SAMD3: variants seen among roughly 807,000 people sequenced by gnomAD.
SAMD3 encodes the protein sterile alpha motif domain-containing protein 3.
A neutral mutation model predicts 58.5 loss-of-function variants in SAMD3; 63 were observed. That is an observed-to-expected ratio of 1.08 (90% confidence interval 0.88 to 1.33). The LOEUF is 1.33. SAMD3 is among the 40% of genes most tolerant of loss of function. The pLI, the probability that SAMD3 is intolerant of heterozygous loss-of-function variation, is 0.00. For synonymous variants in SAMD3, 220 were observed against 210.3 expected (o/e 1.05, Z -0.40); for missense variants, 604 against 608.4 (o/e 0.99, Z 0.08).
At chr6:130,255,855 CTT>C (rs34419547) in intron 2 of SAMD3, among the ~76,000 whole-genome samples, 3 of 141,988 alleles carry the variant, frequency 2.1e-5, no homozygotes, top group African/African-American at 2.6e-5. Flanking sequence ...TGGGTCTTGT[CTT>C]TTTTTTTTTT....
At chr6:130,322,346 G>A (rs1286012689) in intron 1 of SAMD3, among the ~76,000 whole-genome samples, 1 of 152,196 alleles carries the variant, frequency 6.6e-6, no homozygotes, top group Non-Finnish European at 1.5e-5. Flanking sequence ...GGAGTGGAAG[G>A]CTGGGAATCA....
chr6:130,212,322 T>C (rs1582944665), intron 4 of SAMD3, among the ~76,000 whole-genome samples: 2 of 152,190 alleles, frequency 1.3e-5, no homozygotes, highest in South Asian at 4.1e-4. Flanking sequence ...ACCAGAATAA[T>C]TTAATCTAAA....
chr6:130,231,150 A>T (rs879856489), intron 2 of SAMD3, among the ~76,000 whole-genome samples: 8 of 152,216 alleles, frequency 5.3e-5, no homozygotes, highest in African/African-American at 1.4e-4. Flanking sequence ...TTTAAATCTT[A>T]TATATTTTAA....
At chr6:130,318,411 T>C (rs1776463961) in intron 1 of SAMD3, among the ~76,000 whole-genome samples, 1 of 152,128 alleles carries the variant, frequency 6.6e-6, no homozygotes, top group Non-Finnish European at 1.5e-5. Flanking sequence ...ATGTTTGACA[T>C]CTAATAAAAA....
chr6:130,213,786 A>C (rs1177330433), intron 4 of SAMD3, among the ~76,000 whole-genome samples: 3 of 152,188 alleles, frequency 2.0e-5, no homozygotes, highest in African/African-American at 7.2e-5. Flanking sequence ...TTTCTACATA[A>C]TTTTTTGGGG....
intron 8 of SAMD3, among the ~76,000 whole-genome samples, chr6:130,170,357 T>A (rs1791133932): frequency 2.0e-5 from 3 of 152,232 alleles, no homozygotes; most frequent in Non-Finnish European, 2.9e-5. Flanking sequence ...TTCATCCATG[T>A]CCCTGTAAAG....
chr6:130,266,243 A>G (rs927651541), intron 2 of SAMD3, among the ~76,000 whole-genome samples: 8 of 152,180 alleles, frequency 5.3e-5, no homozygotes, highest in Non-Finnish European at 1.2e-4. Flanking sequence ...ATTCCAGGAA[A>G]AACAAGAAAT....
intron 7 of SAMD3, chr6:130,183,032 AGTG>A (rs1336118272): frequency 1.9e-5 from 5 of 258,634 alleles, no homozygotes; most frequent in African/African-American, 9.1e-5. Flanking sequence ...ACAGTTCAAT[AGTG>A]TTGATTATAT....
chr6:130,173,194 T>C (rs1791406138), intron 8 of SAMD3, among the ~76,000 whole-genome samples: 1 of 152,196 alleles, frequency 6.6e-6, no homozygotes, highest in African/African-American at 2.4e-5. Flanking sequence ...GAAGCCGTCA[T>C]CAATCTCATT....
At chr6:130,252,953 A>T (rs61467399) in intron 2 of SAMD3, among the ~76,000 whole-genome samples, 33,028 of 152,122 alleles carry the variant, frequency 0.22, 3,830 homozygotes, top group East Asian at 0.36. Context: ...TAATTTCCAT[A>T]CTTACAGAAA....
intron 1 of SAMD3, among the ~76,000 whole-genome samples, chr6:130,332,391 C>T (rs369511235): frequency 2.6e-5 from 4 of 152,078 alleles, no homozygotes; most frequent in African/African-American, 9.6e-5. Context: ...GAGTTTGGAG[C>T]AAAAGGGAGG....
At chr6:130,189,673 C>A (rs150570386) in intron 5 of SAMD3, among the ~76,000 whole-genome samples, 1 of 152,156 alleles carries the variant, frequency 6.6e-6, no homozygotes, top group Non-Finnish European at 1.5e-5. Context: ...TCCAAGTATT[C>A]GCCACTCAAA....
intron 2 of SAMD3, among the ~76,000 whole-genome samples, chr6:130,269,393 TG>T (rs1774477371): frequency 6.6e-6 from 1 of 152,196 alleles, no homozygotes; most frequent in African/African-American, 2.4e-5. Flanking sequence ...ATTTCTTTCA[TG>T]GTTATGGGAC....
At chr6:130,357,325 C>T (rs746981029) in intron 1 of SAMD3, among the ~76,000 whole-genome samples, 10 of 151,962 alleles carry the variant, frequency 6.6e-5, no homozygotes, top group South Asian at 2.1e-4. Context: ...GGGGTTTCAC[C>T]GTGTTAGCCA....
chr6:130,365,371 C>T (rs947291570), exon 1 of SAMD3: 2 of 985,578 alleles, frequency 2.0e-6, no homozygotes, highest in Non-Finnish European at 1.2e-6. Flanking sequence ...TTCTCCGGAA[C>T]CCCTTGCCGG....
At chr6:130,279,465 T>A (rs1774905195) in intron 2 of SAMD3, among the ~76,000 whole-genome samples, 1 of 151,302 alleles carries the variant, frequency 6.6e-6, no homozygotes, top group African/African-American at 2.4e-5. Context: ...CCCAGCCATA[T>A]GGAACTGTGA....
chr6:130,176,100 A>G (rs1791700888), intron 7 of SAMD3, 92 bp from the exon 8 acceptor site: 1 of 968,152 alleles, frequency 1.0e-6, no homozygotes, highest in Non-Finnish European at 1.6e-6. Flanking sequence ...CATACCTATC[A>G]TCTTTGGGCT....
At chr6:130,323,825 A>G (rs1312682140) in intron 1 of SAMD3, among the ~76,000 whole-genome samples, 2 of 150,844 alleles carry the variant, frequency 1.3e-5, no homozygotes, top group Admixed American at 1.3e-4. Flanking sequence ...AAAAAAAAAA[A>G]GAATTTCCCA....
intron 2 of SAMD3, among the ~76,000 whole-genome samples, chr6:130,257,365 G>A (rs1773961556): frequency 1.3e-5 from 2 of 152,198 alleles, no homozygotes; most frequent in South Asian, 4.1e-4. Flanking sequence ...CAGTCCTGGT[G>A]TACAAGTCTT....
Sources: allele counts gnomAD v4.1 joint callset (sites outside exome capture counted in the v4.1 genomes callset), GRCh38; gene constraint gnomAD v4.1.1; transcripts MANE v1.5; gene names NCBI Gene and HGNC (gene_info 2026-07-23, HGNC 2026-07-21).